TMEM178A: variants seen among roughly 807,000 people sequenced by gnomAD.
TMEM178A encodes transmembrane protein 178A.
Under a neutral mutation model 29.1 loss-of-function variants are expected in TMEM178A, and 12 were observed. That is an observed-to-expected ratio of 0.41 (90% CI 0.26 to 0.67). TMEM178A has a LOEUF of 0.67. Among genes scored for constraint, TMEM178A ranks in the 30% least tolerant of loss-of-function variants. The pLI, the probability that TMEM178A is intolerant of heterozygous loss-of-function variation, is 0.29. For missense variants in TMEM178A, 366 were observed against 419.1 expected, an observed-to-expected ratio of 0.87 and a Z score of 1.11; for synonymous variants, 210 against 187.2, an observed-to-expected ratio of 1.12 and a Z score of -0.99.
chr2:39,719,113 T>C (rs904993702), downstream of TMEM178A, among the ~76,000 whole-genome samples: 7 of 152,094 alleles, frequency 4.6e-5, no homozygotes, highest in Non-Finnish European at 8.8e-5. Context: ...GGCTCATGAG[T>C]GTATTCACTG....
intron 1 of TMEM178A, among the ~76,000 whole-genome samples, chr2:39,700,522 C>G (rs1671736028): frequency 1.3e-5 from 2 of 152,000 alleles, no homozygotes; most frequent in South Asian, 4.2e-4. Context: ...CATGGTATAT[C>G]TTTTTCCATC....
chr2:39,692,162 C>T (rs944477046), intron 1 of TMEM178A, among the ~76,000 whole-genome samples: 1 of 151,998 alleles, frequency 6.6e-6, no homozygotes, highest in African/African-American at 2.4e-5. Flanking sequence ...TGGTGATAAC[C>T]AGGGGCAGGG....
the TMEM178A span, among the ~76,000 whole-genome samples, chr2:39,733,956 A>G: frequency 6.6e-6 from 1 of 151,268 alleles, no homozygotes; most frequent in African/African-American, 2.4e-5. Context: ...CTTTTTTCCT[A>G]TTTCATCATC....
intron 3 of TMEM178A, among the ~76,000 whole-genome samples, chr2:39,709,137 C>A (rs1431153032): frequency 1.3e-5 from 2 of 152,234 alleles, no homozygotes; most frequent in Non-Finnish European, 2.9e-5. Flanking sequence ...CCGGGGCTGA[C>A]ACTGTTTGCT....
chr2:39,675,415 G>GCA (rs10659378), intron 1 of TMEM178A, among the ~76,000 whole-genome samples: 76,728 of 151,810 alleles, frequency 0.51, 20,408 homozygotes, highest in East Asian at 0.87. Context: ...TTATAAAAGG[G>GCA]CAGTTTTGTA....
chr2:39,724,970 T>A, the TMEM178A span, among the ~76,000 whole-genome samples: 1 of 152,208 alleles, frequency 6.6e-6, no homozygotes, highest in Non-Finnish European at 1.5e-5. Flanking sequence ...GGAATTGAAA[T>A]TAAACCAACT....
chr2:39,714,165 C>A (rs58462460), intron 3 of TMEM178A, among the ~76,000 whole-genome samples: 1 of 151,992 alleles, frequency 6.6e-6, no homozygotes, highest in Non-Finnish European at 1.5e-5. Context: ...AGAACAACTT[C>A]GAGAGCACTT....
chr2:39,675,991 G>C (rs913858562), intron 1 of TMEM178A, among the ~76,000 whole-genome samples: 3 of 152,038 alleles, frequency 2.0e-5, no homozygotes, highest in Non-Finnish European at 2.9e-5. Context: ...TTGCTTTGTC[G>C]ACCAGGTTGG....
chr2:39,706,530 G>T (rs1672042225), intron 2 of TMEM178A, among the ~76,000 whole-genome samples: 1 of 152,222 alleles, frequency 6.6e-6, no homozygotes, highest in Non-Finnish European at 1.5e-5. Flanking sequence ...CATCTGTGGT[G>T]ATCAGATAAA....
intron 1 of TMEM178A, among the ~76,000 whole-genome samples, chr2:39,691,517 A>G (rs1046802957): frequency 6.6e-6 from 1 of 152,216 alleles, no homozygotes; most frequent in South Asian, 2.1e-4. Flanking sequence ...AGAAAAGAGA[A>G]CCGTGGTACA....
chr2:39,699,958 A>G (rs1422879664), intron 1 of TMEM178A, among the ~76,000 whole-genome samples: 1 of 152,126 alleles, frequency 6.6e-6, no homozygotes, highest in Non-Finnish European at 1.5e-5. Flanking sequence ...AATTTCCTAA[A>G]TTTTATTTTC....
chr2:39,695,043 T>C (rs1247577937), intron 1 of TMEM178A, among the ~76,000 whole-genome samples: 1 of 152,176 alleles, frequency 6.6e-6, no homozygotes, highest in African/African-American at 2.4e-5. Context: ...ATACAGGAGG[T>C]GATAAGGAAA....
chr2:39,724,298 CTA>C, the TMEM178A span, among the ~76,000 whole-genome samples: 1 of 151,758 alleles, frequency 6.6e-6, no homozygotes, highest in Non-Finnish European at 1.5e-5. Context: ...AAAAAAGAGG[CTA>C]TCTAGCCTTA....
At chr2:39,727,135 T>A in the TMEM178A span, among the ~76,000 whole-genome samples, 1 of 152,166 alleles carries the variant, frequency 6.6e-6, no homozygotes. Context: ...TTTCCAAAGG[T>A]CAAGGATATT....
chr2:39,733,354 C>A, the TMEM178A span, among the ~76,000 whole-genome samples: 1 of 152,134 alleles, frequency 6.6e-6, no homozygotes, highest in Admixed American at 6.5e-5. Context: ...CATATTAATG[C>A]TTTGTGTCAC....
Position 39,666,370 on chromosome 2 carries a change from G to C in TMEM178A, c.396G>C (p.Leu132=). 1 of 1,395,372 alleles carries C rather than the reference G, an allele frequency of 7.2e-7. No homozygotes were observed. The highest frequency in any genetic ancestry group is 1.5e-5 in the South Asian group (1 of 64,966). 86.4% of individuals were successfully genotyped at this position (1,395,372 alleles called of 1,614,324 possible). A position where few individuals can be genotyped will look rare whatever the true frequency, so the allele number is the denominator to read the frequency against. The stretch of plus-strand genomic sequence containing the variant: ...ACCGGGACATCGACACCCTCATCCT[G>C]AAAGGTGAGCGGCGGGCGCACCCCG... ...GIDRDIDTLI[L]KGIAQRCTAI... Residue 132 remains leucine, a synonymous_variant, in exon 1 of 4, where the codon CTG becomes CTC. Coordinates refer to ENST00000281961, the MANE Select transcript of TMEM178A (RefSeq NM_152390.3).
chr2:39,726,858 G>C, the TMEM178A span, among the ~76,000 whole-genome samples: 1 of 152,164 alleles, frequency 6.6e-6, no homozygotes, highest in Non-Finnish European at 1.5e-5. Context: ...TTCATCTCGA[G>C]CAGGCAGTTT....
downstream of TMEM178A, among the ~76,000 whole-genome samples, chr2:39,720,636 G>C (rs1428891806): frequency 6.6e-6 from 1 of 152,194 alleles, no homozygotes; most frequent in Non-Finnish European, 1.5e-5. Context: ...CTCTTTCAAG[G>C]AGGAATCTGT....
At chr2:39,716,431 C>T (rs2148120697) in intron 3 of TMEM178A, among the ~76,000 whole-genome samples, 1 of 152,290 alleles carries the variant, frequency 6.6e-6, no homozygotes, top group Non-Finnish European at 1.5e-5. Flanking sequence ...TCTCCTTGCT[C>T]AGCTATTTTA....
Sources: gnomAD v4.1 joint callset for allele counts (sites outside exome capture counted in the v4.1 genomes callset) on GRCh38, gnomAD v4.1.1 for gene constraint, MANE v1.5 for transcripts, NCBI Gene and HGNC (gene_info 2026-07-23, HGNC 2026-07-21) for gene names.